The following LMBR1 variants were observed in gnomAD, a reference collection of about 807,000 sequenced individuals.
LMBR1 encodes limb development membrane protein 1, also known as limb region 1 protein homolog.
In LMBR1, 52 loss-of-function variants were observed where a neutral mutation model predicts 73.9. The ratio of observed to expected loss-of-function variants is 0.70; its 90% CI spans 0.56 to 0.89. The LOEUF (loss-of-function observed/expected upper bound fraction) is 0.89. Ranked by LOEUF, LMBR1 falls within the 40% of genes least tolerant of loss-of-function variation. The pLI, the probability that LMBR1 is intolerant of heterozygous loss-of-function variation, is 0.00. For synonymous variants in LMBR1, 215 were observed against 209.4 expected, an observed-to-expected ratio of 1.03 and a Z score of -0.23; for missense variants, 539 against 579.8, an observed-to-expected ratio of 0.93 and a Z score of 0.72.
intron 1 of LMBR1, among the ~76,000 whole-genome samples, chr7:156,847,002 A>C (rs1465723592): frequency 6.6e-6 from 1 of 152,186 alleles, no homozygotes; most frequent in Admixed American, 6.5e-5. Context: ...AAGAAGAAAG[A>C]GGACTGACAC....
chr7:156,778,386 A>T (rs1330771136), intron 5 of LMBR1, among the ~76,000 whole-genome samples: 1 of 152,196 alleles, frequency 6.6e-6, no homozygotes, highest in Non-Finnish European at 1.5e-5. Context: ...TGTTATTCTG[A>T]CTTAATCCAC....
intron 5 of LMBR1, among the ~76,000 whole-genome samples, chr7:156,764,376 T>C (rs1312991064): frequency 2.6e-5 from 4 of 152,224 alleles, no homozygotes; most frequent in Non-Finnish European, 5.9e-5. Context: ...CATTAATCCA[T>C]GAGACAAGAA....
chr7:156,832,685 G>A (rs1111467), intron 3 of LMBR1, among the ~76,000 whole-genome samples: 64,521 of 152,040 alleles, frequency 0.42, 13,997 homozygotes, highest in East Asian at 0.6. Flanking sequence ...GTACAAGTAT[G>A]TGAAAGCACA....
intron 15 of LMBR1, among the ~76,000 whole-genome samples, chr7:156,704,039 T>C (rs571369956): frequency 1.6e-4 from 24 of 152,220 alleles, no homozygotes; most frequent in African/African-American, 5.8e-4. Flanking sequence ...GCTACCACCA[T>C]GACCCATGCC....
At chr7:156,806,459 T>A (rs1832098298) in intron 4 of LMBR1, among the ~76,000 whole-genome samples, 1 of 114,738 alleles carries the variant, frequency 8.7e-6, no homozygotes, top group African/African-American at 3.0e-5. Context: ...GTGACTTATT[T>A]TTTTTAAAAA....
chr7:156,712,883 C>T (rs957814833), intron 15 of LMBR1, among the ~76,000 whole-genome samples: 2 of 152,026 alleles, frequency 1.3e-5, no homozygotes, highest in Non-Finnish European at 2.9e-5. Flanking sequence ...GGAGGCTGGA[C>T]GATGAGAAAT....
At chr7:156,860,351 T>C (rs774974397) in intron 1 of LMBR1, among the ~76,000 whole-genome samples, 6 of 152,136 alleles carry the variant, frequency 3.9e-5, no homozygotes, top group Non-Finnish European at 7.4e-5. Context: ...TCAGATCTCA[T>C]GAGACTTATT....
At chr7:156,748,551 T>A (rs540486906) in intron 9 of LMBR1, among the ~76,000 whole-genome samples, 1 of 152,276 alleles carries the variant, frequency 6.6e-6, no homozygotes, top group Admixed American at 6.5e-5. Flanking sequence ...TGCACTGGCA[T>A]GATCTCGGCT....
intron 1 of LMBR1, among the ~76,000 whole-genome samples, chr7:156,878,321 T>C (rs1800527010): frequency 6.6e-6 from 1 of 152,172 alleles, no homozygotes; most frequent in African/African-American, 2.4e-5. Context: ...CTCCTCCAAG[T>C]AGCTCCTAAA....
chr7:156,737,196 T>G (rs1818037283), intron 9 of LMBR1, among the ~76,000 whole-genome samples: 1 of 152,210 alleles, frequency 6.6e-6, no homozygotes, highest in African/African-American at 2.4e-5. Context: ...GTACCTTTGC[T>G]CTTACATTAT....
At chr7:156,835,249 G>GCC (rs199569922) in intron 2 of LMBR1, among the ~76,000 whole-genome samples, 3,051 of 152,294 alleles carry the variant, frequency 0.02, 106 homozygotes, top group African/African-American at 0.069. Flanking sequence ...GCACCCATCT[G>GCC]CTTCAGTGTC....
intron 1 of LMBR1, among the ~76,000 whole-genome samples, chr7:156,872,511 G>C (rs1799451448): frequency 6.6e-6 from 1 of 151,954 alleles, no homozygotes; most frequent in South Asian, 2.1e-4. Context: ...GCTGGGCGTG[G>C]TGGCGCATGC....
At chr7:156,751,813 G>A (rs1426355983) in intron 9 of LMBR1, among the ~76,000 whole-genome samples, 3 of 152,192 alleles carry the variant, frequency 2.0e-5, no homozygotes, top group African/African-American at 7.2e-5. Flanking sequence ...GCAAAATCTA[G>A]AAGTAAAGAT....
chr7:156,804,816 T>C (rs1831705980), intron 4 of LMBR1, among the ~76,000 whole-genome samples: 1 of 120,588 alleles, frequency 8.3e-6, no homozygotes, highest in African/African-American at 3.0e-5. Context: ...CTTAACAGTA[T>C]CTTTAAAGAA....
chr7:156,714,295 G>A (rs73164000), intron 15 of LMBR1, among the ~76,000 whole-genome samples: 5,296 of 152,296 alleles, frequency 0.035, 140 homozygotes, highest in Non-Finnish European at 0.045. Context: ...GAGAGTGCAC[G>A]GGAGATACCT....
At chr7:156,884,736 G>A (rs1801616434) in intron 1 of LMBR1, among the ~76,000 whole-genome samples, 2 of 152,298 alleles carry the variant, frequency 1.3e-5, no homozygotes, top group African/African-American at 4.8e-5. Flanking sequence ...GCTCTTGGAG[G>A]TCTTTCACTG....
At chr7:156,779,325 G>A (rs531930757) in intron 5 of LMBR1, among the ~76,000 whole-genome samples, 19 of 152,284 alleles carry the variant, frequency 1.2e-4, no homozygotes, top group African/African-American at 4.3e-4. Flanking sequence ...TAAGCAGTCA[G>A]TATATTAGAA....
intron 1 of LMBR1, among the ~76,000 whole-genome samples, chr7:156,849,158 A>T (rs1795910570): frequency 6.6e-6 from 1 of 152,176 alleles, no homozygotes; most frequent in African/African-American, 2.4e-5. Context: ...TGTACATACC[A>T]TGGAATAGTA....
Position 156,725,580 on chromosome 7 carries a change from C to A in LMBR1, c.1068-55G>T. 3.6e-6 allele frequency: 5 copies of A among 1,370,840 alleles called. No individual in the cohort carries two copies. In the South Asian group the frequency reaches 6.5e-5, roughly 18 times the overall value. The allele number at this position is 1,370,840 out of a possible 1,614,324, so 84.9% of individuals were successfully genotyped here. On this transcript the variant is annotated intron_variant, in intron 13 of 16. Coordinates refer to ENST00000353442, the MANE Select transcript of LMBR1 (RefSeq NM_022458.4). ...ACAGAATGCAAGTTTCCTAAGTTCT[C>A]GGCAGTCTCCAAAAAGTCTTAAGGC... is the stretch of plus-strand genomic sequence containing the variant.
Sources: gnomAD v4.1 joint callset for allele counts (sites outside exome capture counted in the v4.1 genomes callset) on GRCh38, gnomAD v4.1.1 for gene constraint, MANE v1.5 for transcripts, NCBI Gene and HGNC (gene_info 2026-07-23, HGNC 2026-07-21) for gene names.